Variants in SMAD1 observed in about 807,000 individuals in gnomAD.
The protein encoded by SMAD1 is MAD, mothers against decapentaplegic homolog 1.
Under a neutral mutation model 41.6 loss-of-function variants are expected in SMAD1, and 6 were observed. The ratio of observed to expected loss-of-function variants is 0.14; its 90% CI spans 0.08 to 0.28. The LOEUF is 0.28. Among genes scored for constraint, SMAD1 ranks in the 10% least tolerant of loss-of-function variants. SMAD1 has a pLI of 1.00. For synonymous variants in SMAD1, 206 were observed against 203.2 expected (o/e 1.01, Z -0.12); for missense variants, 379 against 582.6 (o/e 0.65, Z 3.60).
chr4:145,481,767 G>GGGCT, upstream of SMAD1: 1 of 197,924 alleles, frequency 5.1e-6, no homozygotes, highest in Non-Finnish European at 1.0e-5. Context: ...GCGTGTGAGC[G>GGGCT]GGCGGGCGGG....
intron 1 of SMAD1, among the ~76,000 whole-genome samples, chr4:145,483,769 C>T (rs1728323736): frequency 1.3e-5 from 2 of 152,080 alleles, no homozygotes; most frequent in South Asian, 2.1e-4. Flanking sequence ...TCTAGAGGAT[C>T]CAGGCAGGAT....
At chr4:145,516,302 C>G (rs909101980) in intron 2 of SMAD1, among the ~76,000 whole-genome samples, 6 of 152,150 alleles carry the variant, frequency 3.9e-5, no homozygotes, top group African/African-American at 1.4e-4. Context: ...AACTTATGTT[C>G]ATCCAACATT....
chr4:145,507,382 T>C (rs1729848613), intron 1 of SMAD1, among the ~76,000 whole-genome samples: 1 of 152,140 alleles, frequency 6.6e-6, no homozygotes, highest in Non-Finnish European at 1.5e-5. Context: ...TTTTATGTTC[T>C]GCGTACAGTT....
intron 2 of SMAD1, among the ~76,000 whole-genome samples, chr4:145,520,375 A>G (rs1204728649): frequency 1.3e-5 from 2 of 152,234 alleles, no homozygotes; most frequent in African/African-American, 2.4e-5. Flanking sequence ...CCACAGACCT[A>G]CAATACTGAA....
chr4:145,506,672 A>G (rs1321273146), intron 1 of SMAD1, among the ~76,000 whole-genome samples: 1 of 151,984 alleles, frequency 6.6e-6, no homozygotes, highest in Non-Finnish European at 1.5e-5. Flanking sequence ...ATATCTTCAT[A>G]TACAAATTAG....
At chr4:145,521,282 T>C (rs559746172) in intron 2 of SMAD1, among the ~76,000 whole-genome samples, 1 of 152,306 alleles carries the variant, frequency 6.6e-6, no homozygotes, top group South Asian at 2.1e-4. Context: ...GTTGCTATCT[T>C]CTGCTATTAA....
intron 1 of SMAD1, among the ~76,000 whole-genome samples, chr4:145,505,903 G>A (rs1729749241): frequency 1.3e-5 from 2 of 151,442 alleles, no homozygotes; most frequent in African/African-American, 4.9e-5. Flanking sequence ...GGAGTGCAAT[G>A]GCACAATCTT....
chr4:145,513,224 A>G (rs1480379831), intron 1 of SMAD1: 1 of 152,006 alleles, frequency 6.6e-6, no homozygotes, highest in East Asian at 1.9e-4. Flanking sequence ...ACTTCATTGC[A>G]TTTCCCCTCT....
At chr4:145,532,735 C>T (rs967097075) in intron 2 of SMAD1, among the ~76,000 whole-genome samples, 5 of 152,160 alleles carry the variant, frequency 3.3e-5, no homozygotes, top group African/African-American at 1.2e-4. Context: ...AGTCTACGTT[C>T]CCATATTTGT....
intron 2 of SMAD1, among the ~76,000 whole-genome samples, chr4:145,527,254 T>C (rs111763380): frequency 0.18 from 26,893 of 151,204 alleles, 5,626 homozygotes; most frequent in African/African-American, 0.5. Flanking sequence ...GACGGAGTCT[T>C]GCTCTGTCGC....
At chr4:145,543,895 T>C (rs568193157) in intron 4 of SMAD1, among the ~76,000 whole-genome samples, 2 of 152,366 alleles carry the variant, frequency 1.3e-5, no homozygotes, top group Admixed American at 1.3e-4. Flanking sequence ...AAGTACAGTT[T>C]GGTTACTAGG....
intron 4 of SMAD1, chr4:145,546,259 C>G (rs1732246704): frequency 6.0e-6 from 1 of 167,466 alleles, no homozygotes; most frequent in South Asian, 1.5e-4. Flanking sequence ...AAAAGTAATT[C>G]ATTTTTATGC....
intron 1 of SMAD1, among the ~76,000 whole-genome samples, chr4:145,494,685 G>C (rs1298567829): frequency 2.6e-5 from 4 of 152,304 alleles, no homozygotes; most frequent in African/African-American, 9.6e-5. Flanking sequence ...GAACGGTTGG[G>C]CTGGCACACA....
At chr4:145,527,433 C>G (rs998726374) in intron 2 of SMAD1, among the ~76,000 whole-genome samples, 1 of 152,008 alleles carries the variant, frequency 6.6e-6, no homozygotes, top group Non-Finnish European at 1.5e-5. Flanking sequence ...CCGTTTTAGC[C>G]GGGATGGTCT....
chr4:145,530,241 C>G (rs556219104), intron 2 of SMAD1, among the ~76,000 whole-genome samples: 7 of 152,010 alleles, frequency 4.6e-5, no homozygotes, highest in Non-Finnish European at 1.0e-4. Context: ...TTCTTTTCTA[C>G]CAGGGGTGGA....
intron 2 of SMAD1, among the ~76,000 whole-genome samples, chr4:145,520,170 A>G (rs1175943492): frequency 2.0e-5 from 3 of 152,192 alleles, no homozygotes; most frequent in African/African-American, 7.2e-5. Flanking sequence ...TCCTCAAAAA[A>G]TTAAAAATAG....
intron 2 of SMAD1, chr4:145,525,653 G>A: frequency 6.6e-6 from 1 of 152,662 alleles, no homozygotes; most frequent in Non-Finnish European, 1.5e-5. Context: ...GCTGGGCCAG[G>A]CCTCCTGGTG....
At chr4:145,484,526 T>C (rs558301745) in intron 1 of SMAD1, 1 of 152,384 alleles carries the variant, frequency 6.6e-6, no homozygotes, top group Admixed American at 6.5e-5. Flanking sequence ...ACTTCAGATA[T>C]GGGTGGTACA....
At chr4:145,530,482 C>A (rs767788434) in intron 2 of SMAD1, among the ~76,000 whole-genome samples, 1 of 152,134 alleles carries the variant, frequency 6.6e-6, no homozygotes, top group Non-Finnish European at 1.5e-5. Context: ...CAAAAAGAAT[C>A]ATTGGCCTGG....
Sources: allele counts gnomAD v4.1 joint callset (sites outside exome capture counted in the v4.1 genomes callset), GRCh38; gene constraint gnomAD v4.1.1; transcripts MANE v1.5; gene names NCBI Gene and HGNC (gene_info 2026-07-23, HGNC 2026-07-21).